Variants in ZNRF1 observed in about 807,000 individuals in gnomAD.
ZNRF1 encodes the protein zinc and ring finger 1, also known as E3 ubiquitin-protein ligase ZNRF1.
ZNRF1 carries 3 observed loss-of-function variants against 18.4 expected under a neutral mutation model. The ratio of observed to expected loss-of-function variants is 0.16; its 90% CI spans 0.07 to 0.42. The LOEUF is 0.42. Among genes scored for constraint, ZNRF1 ranks in the 10% least tolerant of loss-of-function variants. The pLI, the probability that ZNRF1 is intolerant of heterozygous loss-of-function variation, is 0.99. For synonymous variants in ZNRF1, 157 were observed against 144.2 expected, an observed-to-expected ratio of 1.09 and a Z score of -0.64; for missense variants, 310 against 329.8, an observed-to-expected ratio of 0.94 and a Z score of 0.47.
chr16:75,000,186 C>T lies in ZNRF1; in HGVS notation c.424+91C>T, dbSNP rs1226880595. On this transcript the variant is annotated intron_variant, in intron 1 of 4. Transcript: ENST00000335325. The stretch of plus-strand genomic sequence containing the variant: ...CGTGCCAAGGTTTGGGAATGTAGTG[C>T]ACGACCGGGATCTGTCTGCATTCCC... 8 of 1,499,298 alleles carry T rather than the reference C, an allele frequency of 5.3e-6. No individual in the cohort carries two copies. The East Asian group carries it at 1.7e-4, about 32-fold the overall frequency. 92.9% of individuals were successfully genotyped at this position (1,499,298 alleles called of 1,614,324 possible). A position where few individuals can be genotyped will look rare whatever the true frequency, so the allele number is the denominator to read the frequency against.
intron 1 of ZNRF1, among the ~76,000 whole-genome samples, chr16:75,059,229 C>CTTTTTTTTTTTTTTCTTTTTTTT (rs2035709085): frequency 2.2e-5 from 2 of 92,878 alleles, no homozygotes; most frequent in Non-Finnish European, 4.1e-5. Flanking sequence ...TTCTTTCTTT[C>CTTTTTTTTTTTTTTCTTTTTTTT]TTTTTTTTTT....
intron 2 of ZNRF1, among the ~76,000 whole-genome samples, chr16:75,101,942 G>C (rs2145429107): frequency 6.6e-6 from 1 of 152,326 alleles, no homozygotes; most frequent in South Asian, 2.1e-4. Context: ...GCAGCAGACT[G>C]TGCCATCTCC....
At chr16:75,013,269 CTT>C (rs1340376091) in intron 1 of ZNRF1, among the ~76,000 whole-genome samples, 2 of 152,036 alleles carry the variant, frequency 1.3e-5, no homozygotes, top group Non-Finnish European at 2.9e-5. Flanking sequence ...TTCTCTGTCT[CTT>C]TACTTGAGGG....
At chr16:75,088,325 C>A (rs973524813) in intron 1 of ZNRF1, among the ~76,000 whole-genome samples, 7 of 152,176 alleles carry the variant, frequency 4.6e-5, no homozygotes, top group African/African-American at 1.7e-4. Flanking sequence ...GTCCTTCTTA[C>A]CTTTTACCCT....
chr16:75,048,849 G>A lies in ZNRF1; in HGVS notation c.425-44723G>A, dbSNP rs555437032. 9.9e-5 allele frequency among the ~76,000 whole-genome samples: 15 copies of A among 152,096 alleles called. No individual in the cohort carries two copies. In the South Asian group the frequency reaches 3.1e-3, roughly 32 times the overall value. On this transcript the variant is annotated intron_variant, in intron 1 of 4. Coordinates refer to ENST00000335325, the MANE Select transcript of ZNRF1 (RefSeq NM_032268.5). ...CGTTTCCCAGTAACCTTTGACCGGT[G>A]GTTTTTAAAACCTGTGGATAATCCT...
At chr16:75,019,582 G>A (rs2035117486) in intron 1 of ZNRF1, among the ~76,000 whole-genome samples, 1 of 152,102 alleles carries the variant, frequency 6.6e-6, no homozygotes, top group Non-Finnish European at 1.5e-5. Flanking sequence ...AACAACTGTT[G>A]GGTGAGGGGG....
At chr16:75,063,204 C>A (rs1295533556) in intron 1 of ZNRF1, among the ~76,000 whole-genome samples, 1 of 152,166 alleles carries the variant, frequency 6.6e-6, no homozygotes, top group Non-Finnish European at 1.5e-5. Context: ...AGCCCCGCTT[C>A]CCCAGCGCCA....
At chr16:75,032,096 C>G (rs982119490) in intron 1 of ZNRF1, among the ~76,000 whole-genome samples, 69 of 128,714 alleles carry the variant, frequency 5.4e-4, no homozygotes, top group African/African-American at 2.0e-3. Context: ...GGCATCTTTT[C>G]TTGTGAGGTT....
chr16:75,015,924 T>TTC (rs2035060276), intron 1 of ZNRF1, among the ~76,000 whole-genome samples: 1 of 149,992 alleles, frequency 6.7e-6, no homozygotes, highest in African/African-American at 2.4e-5. Flanking sequence ...TTCTTTTCTT[T>TTC]TTTTTTTTTT....
At chr16:75,074,572 G>A (rs2035915007) in intron 1 of ZNRF1, among the ~76,000 whole-genome samples, 1 of 152,208 alleles carries the variant, frequency 6.6e-6, no homozygotes, top group Non-Finnish European at 1.5e-5. Flanking sequence ...TCCCAGGCAA[G>A]TTTGAAACTG....
At chr16:75,067,213 C>T (rs2035816892) in intron 1 of ZNRF1, among the ~76,000 whole-genome samples, 1 of 152,176 alleles carries the variant, frequency 6.6e-6, no homozygotes, top group Admixed American at 6.5e-5. Context: ...TCAGGGCTCC[C>T]ACAGCGCTTG....
intron 1 of ZNRF1, among the ~76,000 whole-genome samples, chr16:75,018,311 T>G (rs1156340647): frequency 6.6e-6 from 1 of 152,212 alleles, no homozygotes; most frequent in Non-Finnish European, 1.5e-5. Context: ...TCTTGTAGGT[T>G]TCATAGTTTT....
chr16:75,041,358 C>G (rs952363452), intron 1 of ZNRF1, among the ~76,000 whole-genome samples: 4 of 151,914 alleles, frequency 2.6e-5, no homozygotes, highest in African/African-American at 9.7e-5. Flanking sequence ...GAGACAGGGT[C>G]TCACCCTGTC....
At chr16:75,065,348 G>A (rs372351643) in intron 1 of ZNRF1, among the ~76,000 whole-genome samples, 12 of 152,234 alleles carry the variant, frequency 7.9e-5, no homozygotes, top group South Asian at 6.2e-4. Flanking sequence ...ACTGCCGCAC[G>A]GCAACTCCTC....
chr16:75,038,738 C>T (rs535555732), intron 1 of ZNRF1, among the ~76,000 whole-genome samples: 64 of 152,280 alleles, frequency 4.2e-4, no homozygotes, highest in Non-Finnish European at 7.8e-4. Context: ...CTTCTAAGCA[C>T]GATCTGCAGT....
chr16:75,067,245 A>G (rs989830001), intron 1 of ZNRF1, among the ~76,000 whole-genome samples: 1 of 152,188 alleles, frequency 6.6e-6, no homozygotes, highest in Non-Finnish European at 1.5e-5. Flanking sequence ...AACCAAGTAG[A>G]AGCCATTTTG....
chr16:75,074,945 GA>G (rs1325707523), intron 1 of ZNRF1, among the ~76,000 whole-genome samples: 1 of 152,152 alleles, frequency 6.6e-6, no homozygotes, highest in East Asian at 1.9e-4. Context: ...ATGTATTAAG[GA>G]AATGTTTGTA....
chr16:75,095,756 G>T, intron 2 of ZNRF1: 4 of 1,517,022 alleles, frequency 2.6e-6, no homozygotes, highest in Non-Finnish European at 3.6e-6. Flanking sequence ...GGAAGGTGAG[G>T]CTGTCCAGCT....
At chr16:75,000,947 C>T (rs576525525) in intron 1 of ZNRF1, among the ~76,000 whole-genome samples, 40 of 152,322 alleles carry the variant, frequency 2.6e-4, no homozygotes, top group Admixed American at 2.2e-3. Context: ...TTATGAACTT[C>T]TGGTGACAGG....
Sources: allele counts gnomAD v4.1 joint callset (sites outside exome capture counted in the v4.1 genomes callset), GRCh38; gene constraint gnomAD v4.1.1; transcripts MANE v1.5; gene names NCBI Gene and HGNC (gene_info 2026-07-23, HGNC 2026-07-21).